THEM4: variants seen among roughly 807,000 people sequenced by gnomAD.
THEM4 encodes the protein acyl-coenzyme A thioesterase THEM4.
In THEM4, 22 loss-of-function variants were observed where a neutral mutation model predicts 25.0. The ratio of observed to expected loss-of-function variants is 0.88; its 90% CI spans 0.63 to 1.26. THEM4 has a LOEUF of 1.26. Ranked by LOEUF, THEM4 falls within the 50% of genes most tolerant of loss-of-function variation. The probability of loss-of-function intolerance (pLI) is 0.00; values close to 1 mark genes in which losing one functional copy is unlikely to be tolerated. For synonymous variants in THEM4, 113 were observed against 105.6 expected (o/e 1.07, Z -0.43); for missense variants, 286 against 300.3 (o/e 0.95, Z 0.35).
intron 2 of THEM4, among the ~76,000 whole-genome samples, chr1:151,891,824 T>G (rs1233234743): frequency 6.6e-6 from 1 of 151,732 alleles, no homozygotes; most frequent in Non-Finnish European, 1.5e-5. Context: ...CTGAATGGAG[T>G]TGGGTAGATA....
intron 2 of THEM4, among the ~76,000 whole-genome samples, chr1:151,893,861 T>C (rs1488384689): frequency 6.8e-6 from 1 of 146,272 alleles, no homozygotes; most frequent in East Asian, 2.0e-4. Context: ...CTTTTTCTCT[T>C]TTTTTTTTTG....
chr1:151,877,095 T>C lies in THEM4; in HGVS notation c.588A>G (p.Ile196Met), dbSNP rs965972310. 4 of 1,613,420 alleles carry C rather than the reference T, an allele frequency of 2.5e-6. No homozygotes were observed. Among genetic ancestry groups the C allele is most frequent in the Non-Finnish European group, 3.4e-6 (4 of 1,179,790 alleles). ...RPIPLCSVVM[I>M]NSQLDKVEGR... Reference sequence around the variant, plus strand: ...CTTCAACTTTATCAAGTTGGCTATTTATCATAACAACAGAACAAAGAGGGA... The same window carrying C: ...CTTCAACTTTATCAAGTTGGCTATTCATCATAACAACAGAACAAAGAGGGA... Residue 196 changes from isoleucine (I) to methionine (M), a missense_variant, in exon 5 of 6, where the codon ATA (isoleucine) becomes ATG (methionine). Ile to Met is a conservative substitution (Grantham distance 10). Coordinates refer to ENST00000368814, the MANE Select transcript of THEM4 (RefSeq NM_053055.5).
In THEM4 at chr1:151,889,315, A is replaced by G; in HGVS notation, c.345T>C (p.Phe115=). Residue 115 remains phenylalanine (F), a synonymous_variant, in exon 3 of 6, where the codon TTT becomes TTC. Coordinates refer to ENST00000368814, the MANE Select transcript of THEM4 (RefSeq NM_053055.5). ...CGTATTCAAAGCCCAGGCCATCATCAAAGCTTCTGGTGAAGAGCTGGGCCT... is the reference window on the plus strand; with the variant it reads ...CGTATTCAAAGCCCAGGCCATCATCGAAGCTTCTGGTGAAGAGCTGGGCCT... ...MSQAQLFTRS[F]DDGLGFEYVM... is the part of the protein sequence containing the mutation. 6.2e-7 allele frequency: 1 copy of G among 1,614,062 alleles called. No individual in the cohort carries two copies. Among genetic ancestry groups the G allele is most frequent in the Non-Finnish European group, 8.5e-7 (1 of 1,179,952 alleles).
chr1:151,895,727 G>A lies in THEM4; in HGVS notation c.100-533C>T, dbSNP rs189274982. ...GAATATAGTTTGGATGTGTGTTCCC[G>A]CTCAAATCTCATATTGAAATGTAAT... is the stretch of plus-strand genomic sequence containing the variant. On this transcript the variant is annotated intron_variant, in intron 1 of 5. Transcript: ENST00000368814. 1.8e-4 allele frequency among the ~76,000 whole-genome samples: 27 copies of A among 150,664 alleles called. No homozygotes were observed. The East Asian group carries it at 3.7e-3, about 21-fold the overall frequency.
chr1:151,906,495 C>T (rs891254672), intron 1 of THEM4, among the ~76,000 whole-genome samples: 5 of 152,230 alleles, frequency 3.3e-5, no homozygotes, highest in Non-Finnish European at 5.9e-5. Context: ...CCAGTCCCAT[C>T]GAGCACCCAA....
chr1:151,885,080 ATCTTTTATT>A (rs1653936586), intron 4 of THEM4, among the ~76,000 whole-genome samples: 1 of 148,236 alleles, frequency 6.7e-6, no homozygotes, highest in Admixed American at 6.8e-5. Flanking sequence ...TTGTGATTTC[ATCTTTTATT>A]TATTTATTTA....
intron 1 of THEM4, 108 bp from the exon 2 acceptor site, chr1:151,895,302 G>A: frequency 2.1e-6 from 2 of 969,986 alleles, no homozygotes; most frequent in Non-Finnish European, 3.0e-6. Context: ...CTCCCCATAA[G>A]CTTGTCACTT....
At chr1:151,909,276 A>C in intron 1 of THEM4, 84 bp downstream of exon 1, 1 of 1,167,808 alleles carries the variant, frequency 8.6e-7, no homozygotes, top group Non-Finnish European at 1.2e-6. Context: ...TGGTTGGGGT[A>C]TGGATAACAA....
intron 4 of THEM4, among the ~76,000 whole-genome samples, chr1:151,879,659 C>CT (rs60809136): frequency 0.033 from 4,440 of 135,326 alleles, 140 homozygotes; most frequent in African/African-American, 0.076. Flanking sequence ...CTTTTCTTTT[C>CT]TTTTTTTTTT....
At position 151,889,243 on chromosome 1, in the gene THEM4, T is replaced by C; in HGVS notation, c.417A>G (p.Gln139=). ...GTGGTCCTTCCAGGTAAGGGCCTCC[T>C]TGAAATAAGCAAACCATCCTTTTCT... ...DIEKRMVCLF[Q]GGPYLEGPPG... is the part of the protein sequence containing the mutation. Residue 139 remains glutamine, a synonymous_variant, in exon 3 of 6, where the codon CAA becomes CAG. Coordinates refer to ENST00000368814, the MANE Select transcript of THEM4 (RefSeq NM_053055.5). 2 of 1,613,192 alleles carry C rather than the reference T, an allele frequency of 1.2e-6. No individual in the cohort carries two copies. The highest frequency in any genetic ancestry group is 1.7e-6 in the Non-Finnish European group (2 of 1,179,872).
intron 4 of THEM4, 118 bp downstream of exon 4, chr1:151,888,155 C>G: frequency 1.4e-6 from 1 of 693,862 alleles, no homozygotes; most frequent in Non-Finnish European, 2.4e-6. Flanking sequence ...CCTTGCTAGT[C>G]TCCTCTGGGA....
At chr1:151,879,659 CTTTTTTTTTT>C (rs60809136) in intron 4 of THEM4, among the ~76,000 whole-genome samples, 1 of 135,418 alleles carries the variant, frequency 7.4e-6, no homozygotes, top group Non-Finnish European at 1.6e-5. Flanking sequence ...CTTTTCTTTT[CTTTTTTTTTT>C]TTTTTGAGAT....
chr1:151,882,429 T>C (rs1257981346), intron 4 of THEM4, among the ~76,000 whole-genome samples: 1 of 151,664 alleles, frequency 6.6e-6, no homozygotes. Context: ...TCTGAATACA[T>C]TAACTGTGAT....
Position 151,873,284 on chromosome 1 carries a change from C to A in THEM4, c.*1604G>T, listed in dbSNP as rs1042913916. Reference sequence around the variant, plus strand: ...CCACTATCACCCTGTTCTCCTGCTGCATTCCCCTTGCCGAGATAGTGAAAA... The same window carrying A: ...CCACTATCACCCTGTTCTCCTGCTGAATTCCCCTTGCCGAGATAGTGAAAA... On this transcript the variant is annotated 3_prime_UTR_variant, in exon 6 of 6. Coordinates refer to ENST00000368814, the MANE Select transcript of THEM4 (RefSeq NM_053055.5). Among the ~76,000 whole-genome samples, 10 of 152,318 alleles carry A rather than the reference C, an allele frequency of 6.6e-5. No individual in the cohort carries two copies. Among genetic ancestry groups the A allele is most frequent in the African/African-American group, 2.4e-4 (10 of 41,570 alleles).
In THEM4 at chr1:151,875,415, T is replaced by C. The variant is rs1653650197; in HGVS notation, c.683-487A>G. The stretch of plus-strand genomic sequence containing the variant: ...AAAAAATTAGCCATAAAGGGAAAAA[T>C]GTAATAAATGCAACTAAATTGACAT... On this transcript the variant is annotated intron_variant, in intron 5 of 5. Coordinates refer to ENST00000368814, the MANE Select transcript of THEM4 (RefSeq NM_053055.5). Among the ~76,000 whole-genome samples the C allele has an allele frequency of 2.0e-5, 3 of 152,064 alleles. No homozygotes were observed. The South Asian group carries it at 6.2e-4, about 32-fold the overall frequency.
chr1:151,908,062 C>G (rs924392336), intron 1 of THEM4, among the ~76,000 whole-genome samples: 3 of 152,238 alleles, frequency 2.0e-5, no homozygotes, highest in African/African-American at 7.2e-5. Flanking sequence ...GCTCCTCTCT[C>G]TGGTGGAGGA....
chr1:151,888,709 T>C (rs1654022315), intron 3 of THEM4, among the ~76,000 whole-genome samples: 1 of 152,176 alleles, frequency 6.6e-6, no homozygotes, highest in African/African-American at 2.4e-5. Context: ...GTGCCTGTAG[T>C]TCTGGCTACT....
intron 4 of THEM4, among the ~76,000 whole-genome samples, chr1:151,886,420 G>T (rs185750522): frequency 6.6e-6 from 1 of 151,908 alleles, no homozygotes. Flanking sequence ...CAAAGTAACC[G>T]TTTACATTTA....
chr1:151,894,685 G>A (rs373644116), intron 2 of THEM4: 2 of 504,692 alleles, frequency 4.0e-6, no homozygotes, highest in East Asian at 3.5e-5. Context: ...ATGGGATAAA[G>A]GGTGAAATGA....
Sources: gnomAD v4.1 joint callset for allele counts (sites outside exome capture counted in the v4.1 genomes callset) on GRCh38, gnomAD v4.1.1 for gene constraint, MANE v1.5 for transcripts, NCBI Gene and HGNC (gene_info 2026-07-23, HGNC 2026-07-21) for gene names.